Variants in ANKS1B observed in about 807,000 individuals in gnomAD.
ANKS1B encodes ankyrin repeat and sterile alpha motif domain-containing protein 1B.
In ANKS1B, 36 loss-of-function variants were observed where a neutral mutation model predicts 148.3. That is an observed-to-expected ratio of 0.24 (90% CI 0.19 to 0.32). The LOEUF is 0.32. Among genes scored for constraint, ANKS1B ranks in the 10% least tolerant of loss-of-function variants. The pLI is 1.00. For synonymous variants in ANKS1B, 542 were observed against 560.8 expected (o/e 0.97, Z 0.47); for missense variants, 1,157 against 1,542.6 (o/e 0.75, Z 4.19).
At chr12:99,040,744 C>A (rs543728710) in intron 17 of ANKS1B, among the ~76,000 whole-genome samples, 1 of 152,342 alleles carries the variant, frequency 6.6e-6, no homozygotes, top group African/African-American at 2.4e-5. Context: ...AACACTCTCA[C>A]ACAAAAGTGT....
chr12:99,853,172 A>G (rs1327301083), intron 1 of ANKS1B, among the ~76,000 whole-genome samples: 1 of 152,056 alleles, frequency 6.6e-6, no homozygotes, highest in Non-Finnish European at 1.5e-5. Flanking sequence ...TAGGAGCGCT[A>G]TGGCCCCACC....
chr12:99,760,101 GA>G (rs2061943638), intron 8 of ANKS1B, among the ~76,000 whole-genome samples: 1 of 151,748 alleles, frequency 6.6e-6, no homozygotes, highest in Non-Finnish European at 1.5e-5. Context: ...TCATAATATA[GA>G]TGCATATTTT....
chr12:98,779,673 T>C (rs1384580028), intron 24 of ANKS1B, among the ~76,000 whole-genome samples: 1 of 152,248 alleles, frequency 6.6e-6, no homozygotes, highest in Non-Finnish European at 1.5e-5. Context: ...TGCCATTCTA[T>C]AATGTGTTCC....
Position 99,460,698 on chromosome 12 carries a change from T to C in ANKS1B, c.1439-16889A>G, listed in dbSNP as rs541665626. On this transcript the variant is annotated intron_variant, in intron 10 of 26. Transcript: ENST00000683438. ...AATGCAAATCAAAACCAAAATGAGA[T>C]ACCACCTTACTCCTGCAAGAATGGC... 1.3e-5 allele frequency among the ~76,000 whole-genome samples: 2 copies of C among 150,986 alleles called. 1 individual carries two copies. Among genetic ancestry groups the C allele is most frequent in the South Asian group, 4.2e-4 (2 of 4,782 alleles).
chr12:98,902,378 T>C (rs141898249), intron 17 of ANKS1B, among the ~76,000 whole-genome samples: 1 of 152,328 alleles, frequency 6.6e-6, no homozygotes, highest in Non-Finnish European at 1.5e-5. Flanking sequence ...ACAGCAACTT[T>C]CAAGGTTAGC....
In ANKS1B at chr12:99,368,843, T is replaced by G. The variant is rs569082603; in HGVS notation, c.1756+30788A>C. On this transcript the variant is annotated intron_variant, in intron 12 of 26. Transcript: ENST00000683438. ...AATAATTCAGAATATCGCACCTTTTTGGGAAAAGCTGTCGCCAATACCCAT... is the reference window on the plus strand; with the variant it reads ...AATAATTCAGAATATCGCACCTTTTGGGGAAAAGCTGTCGCCAATACCCAT... Among the ~76,000 whole-genome samples the G allele has an allele frequency of 2.6e-5, 4 of 152,288 alleles. No individual in the cohort carries two copies. The East Asian group carries it at 7.7e-4, about 29-fold the overall frequency.
chr12:99,508,421 T>C (rs1049109173), intron 9 of ANKS1B, among the ~76,000 whole-genome samples: 4 of 151,930 alleles, frequency 2.6e-5, no homozygotes, highest in African/African-American at 9.6e-5. Context: ...CTGTAGATTC[T>C]ATAGAATCTT....
chr12:99,282,919 T>C (rs912576381), intron 12 of ANKS1B, among the ~76,000 whole-genome samples: 2 of 152,068 alleles, frequency 1.3e-5, no homozygotes, highest in Middle Eastern at 6.3e-3. Context: ...AATATAAACT[T>C]TGGAGTCATC....
At position 98,801,084 on chromosome 12, in the gene ANKS1B, C is replaced by T. The variant is rs765947991; in HGVS notation, c.3183G>A (p.Pro1061=). The part of the protein sequence containing the change: ...WGEPSITLRP[P]NEATASTPVQ... ...CCGGGGTAGAGGCTGTGGCTTCATTCGGAGGTCGCAAGGTAATGGAAGGTT... is the reference window on the plus strand; with the variant it reads ...CCGGGGTAGAGGCTGTGGCTTCATTTGGAGGTCGCAAGGTAATGGAAGGTT... The change falls in exon 21 of 27, where the codon CCG becomes CCA. Residue 1061 remains proline (P), a synonymous_variant. Coordinates refer to ENST00000683438, the MANE Select transcript of ANKS1B (RefSeq NM_001352186.2). The surrounding 1 kb of genome is among the most constrained non-coding windows in gnomAD (Gnocchi z 5.2). 132 of 1,612,446 alleles carry T rather than the reference C, an allele frequency of 8.2e-5. No individual in the cohort carries two copies. The highest frequency in any genetic ancestry group is 2.4e-4 in the African/African-American group (18 of 74,872).
At chr12:99,780,218 A>G (rs2064119390) in intron 5 of ANKS1B, among the ~76,000 whole-genome samples, 1 of 152,166 alleles carries the variant, frequency 6.6e-6, no homozygotes, top group Non-Finnish European at 1.5e-5. Flanking sequence ...ATTCTTGATC[A>G]TCAATTAACT....
intron 10 of ANKS1B, among the ~76,000 whole-genome samples, chr12:99,480,983 T>C (rs978134086): frequency 6.7e-6 from 1 of 149,796 alleles, no homozygotes; most frequent in Non-Finnish European, 1.5e-5. Context: ...TTCAGGCAAA[T>C]AATTTTCACT....
chr12:99,292,342 A>AAATAAAAATAAG (rs1488850158), intron 12 of ANKS1B, among the ~76,000 whole-genome samples: 1 of 149,970 alleles, frequency 6.7e-6, no homozygotes, highest in African/African-American at 2.4e-5. Flanking sequence ...ATAAAAATAA[A>AAATAAAAATAAG]AATAAAAATA....
chr12:99,524,150 A>G (rs76593744), intron 9 of ANKS1B, among the ~76,000 whole-genome samples: 3,894 of 152,324 alleles, frequency 0.026, 80 homozygotes, highest in South Asian at 0.088. Context: ...AATATCAAGA[A>G]AAAGTATCCC....
At chr12:98,782,464 G>GA (rs2098747173) in intron 22 of ANKS1B, among the ~76,000 whole-genome samples, 1 of 152,088 alleles carries the variant, frequency 6.6e-6, no homozygotes, top group South Asian at 2.1e-4. Context: ...AGGGAATCAG[G>GA]AAAAAATAGA....
intron 12 of ANKS1B, among the ~76,000 whole-genome samples, chr12:99,299,087 G>T: frequency 6.6e-6 from 1 of 151,228 alleles, no homozygotes. Context: ...GATAGATAGG[G>T]TCTCACTCTG....
At chr12:99,103,585 A>G (rs7299182) in intron 15 of ANKS1B, among the ~76,000 whole-genome samples, 13,572 of 152,128 alleles carry the variant, frequency 0.089, 1,502 homozygotes, top group African/African-American at 0.26. Flanking sequence ...ATACTTCTTA[A>G]AACAAGGAAG....
At chr12:99,081,018 AAGG>A (rs1443487442) in intron 16 of ANKS1B, among the ~76,000 whole-genome samples, 17 of 152,208 alleles carry the variant, frequency 1.1e-4, no homozygotes, top group Non-Finnish European at 4.4e-5. Flanking sequence ...AGCTTTACAA[AAGG>A]TCAAGCATTG....
intron 1 of ANKS1B, among the ~76,000 whole-genome samples, chr12:99,828,855 C>G (rs547594532): frequency 5.3e-5 from 8 of 152,000 alleles, no homozygotes; most frequent in African/African-American, 1.7e-4. Flanking sequence ...TGGTGGCGCA[C>G]GCCTGTAGTC....
chr12:99,856,394 G>A (rs1411086185), intron 1 of ANKS1B, among the ~76,000 whole-genome samples: 3 of 151,712 alleles, frequency 2.0e-5, no homozygotes, highest in Non-Finnish European at 4.4e-5. Flanking sequence ...CCAATAACAA[G>A]CAGTGAGATT....
Sources: gnomAD v4.1 joint callset for allele counts (sites outside exome capture counted in the v4.1 genomes callset) on GRCh38, gnomAD v4.1.1 for gene constraint, Gnocchi (gnomAD v3.1) non-coding constraint, MANE v1.5 for transcripts, NCBI Gene and HGNC (gene_info 2026-07-23, HGNC 2026-07-21) for gene names.